Variants in OSER1 observed in about 807,000 individuals in gnomAD.
OSER1 encodes the protein oxidative stress-responsive serine-rich protein 1.
In OSER1, 15 loss-of-function variants were observed where a neutral mutation model predicts 26.3. The observed-to-expected ratio is 0.57, with a 90% CI of 0.38 to 0.88. The LOEUF (loss-of-function observed/expected upper bound fraction) is 0.88, where lower values mean the gene tolerates loss of function less well. Among genes scored for constraint, OSER1 ranks in the 40% least tolerant of loss-of-function variants. The probability of loss-of-function intolerance (pLI) is 0.00; values close to 1 mark genes in which losing one functional copy is unlikely to be tolerated. For missense variants in OSER1, 313 were observed against 353.9 expected, an observed-to-expected ratio of 0.88 and a Z score of 0.93; for synonymous variants, 127 against 128.2, an observed-to-expected ratio of 0.99 and a Z score of 0.07.
At chr20:44,209,850 G>T (rs1409583846) in intron 1 of OSER1, among the ~76,000 whole-genome samples, 1 of 152,108 alleles carries the variant, frequency 6.6e-6, no homozygotes, top group Non-Finnish European at 1.5e-5. Flanking sequence ...ATCAAGAAGG[G>T]ATGCGCGGGT....
At chr20:44,199,053 T>A (rs1362728536) in intron 3 of OSER1, among the ~76,000 whole-genome samples, 1 of 152,210 alleles carries the variant, frequency 6.6e-6, no homozygotes, top group Non-Finnish European at 1.5e-5. Context: ...TTCAAGTAAC[T>A]CTTATTTTAC....
chr20:44,202,500 C>T (rs1434996796), intron 3 of OSER1, among the ~76,000 whole-genome samples: 1 of 151,974 alleles, frequency 6.6e-6, no homozygotes, highest in East Asian at 1.9e-4. Flanking sequence ...TTTCAATTCA[C>T]CAGAAAGAAA....
At chr20:44,211,361 T>C (rs1471947653), upstream of OSER1, 1 of 152,288 alleles carries the variant, frequency 6.6e-6, no homozygotes, top group Non-Finnish European at 1.5e-5. Context: ...GAAGAGGTAT[T>C]GGACGTGGCC....
chr20:44,203,315 T>C (rs900447545), intron 2 of OSER1, among the ~76,000 whole-genome samples: 1 of 152,136 alleles, frequency 6.6e-6, no homozygotes, highest in African/African-American at 2.4e-5. Flanking sequence ...AGCAGCAGGA[T>C]ATAAATAGAC....
chr20:44,208,041 AAAATAG>A (rs2073056347), intron 1 of OSER1, among the ~76,000 whole-genome samples: 1 of 152,204 alleles, frequency 6.6e-6, no homozygotes, highest in Non-Finnish European at 1.5e-5. Flanking sequence ...TACCACAAAA[AAAATAG>A]AAATAGAGAA....
rs1467093823 is a variant in OSER1 at position 44,195,939 on chromosome 20, T to G, written c.*1113A>C. ...CATGAATCAACCACAGCCAGCGCAGTTTTAGTAAATAGTATAAATGTATTT... is the reference window on the plus strand; with the variant it reads ...CATGAATCAACCACAGCCAGCGCAGGTTTAGTAAATAGTATAAATGTATTT... On this transcript the variant is annotated 3_prime_UTR_variant, in exon 4 of 4. Coordinates refer to ENST00000255174, the MANE Select transcript of OSER1 (RefSeq NM_016470.8). Among the ~76,000 whole-genome samples the G allele has an allele frequency of 6.6e-6, 1 of 152,244 alleles. No homozygotes were observed. The highest frequency in any genetic ancestry group is 1.5e-5 in the Non-Finnish European group (1 of 68,050).
In OSER1 at chr20:44,204,275, G is replaced by T. The variant is rs185175037; in HGVS notation, c.78-1201C>A. On this transcript the variant is annotated intron_variant, in intron 2 of 3. Transcript: ENST00000255174. ...CAGGATCATGCTAAATTCCTGGCAA[G>T]GCCTGGTTAGTTTATGAGTCAATCC... Among the ~76,000 whole-genome samples, 106 of 152,290 alleles carry T rather than the reference G, an allele frequency of 7.0e-4. 1 individual carries two copies. The Middle Eastern group carries it at 0.017, about 24-fold the overall frequency.
At position 44,197,645 on chromosome 20, in the gene OSER1, T is replaced by G. The variant is rs199512438; in HGVS notation, c.286A>C (p.Ser96Arg). 2 of 1,613,990 alleles carry G rather than the reference T, an allele frequency of 1.2e-6. No homozygotes were observed. The highest frequency in any genetic ancestry group is 1.7e-6 in the Non-Finnish European group (2 of 1,179,824). Residue 96 changes from serine (S) to arginine (R), a missense_variant, in exon 4 of 4, where the codon AGT (serine) becomes CGT (arginine). Transcript: ENST00000255174. ...CTGCTGGAAGAAGACGCTATTGTAC[T>G]GCAATGTATAAACTTTGGAGGATGA... Reference protein sequence around the residue: ...VLHPPKFIHCSTIASSSSSQL... With the variant: ...VLHPPKFIHCRTIASSSSSQL...
intron 3 of OSER1, among the ~76,000 whole-genome samples, chr20:44,201,002 T>C (rs995799969): frequency 6.6e-5 from 10 of 150,400 alleles, no homozygotes; most frequent in Admixed American, 6.6e-5. Flanking sequence ...AAGGAAGAAA[T>C]AAAGACATTT....
chr20:44,208,080 T>A (rs2073056595), intron 1 of OSER1, among the ~76,000 whole-genome samples: 1 of 151,890 alleles, frequency 6.6e-6, no homozygotes, highest in Non-Finnish European at 1.5e-5. Flanking sequence ...AAGGTTCACT[T>A]CACCTCTTTA....
chr20:44,199,090 T>C (rs576468410), intron 3 of OSER1, among the ~76,000 whole-genome samples: 1 of 152,316 alleles, frequency 6.6e-6, no homozygotes, highest in South Asian at 2.1e-4. Flanking sequence ...AGTATAACAG[T>C]AGTGATGCTA....
Position 44,206,254 on chromosome 20 carries a change from C to A in OSER1, c.77+627G>T, listed in dbSNP as rs149531062. Among the ~76,000 whole-genome samples, 7 of 152,288 alleles carry A rather than the reference C, an allele frequency of 4.6e-5. No homozygotes were observed. The East Asian group carries it at 1.3e-3, about 29-fold the overall frequency. On this transcript the variant is annotated intron_variant, in intron 2 of 3. Coordinates refer to ENST00000255174, the MANE Select transcript of OSER1 (RefSeq NM_016470.8). ...TAGTTTCCATTTATGAAAAGAAATT[C>A]TTATATCCATTAAAAATGTTGATTT...
intron 3 of OSER1, among the ~76,000 whole-genome samples, chr20:44,199,449 C>G (rs7261043): frequency 0.01 from 1,586 of 152,270 alleles, 35 homozygotes; most frequent in African/African-American, 0.037. Context: ...TTACACTTCC[C>G]AGCCTCCCGA....
intron 3 of OSER1, among the ~76,000 whole-genome samples, chr20:44,202,127 G>C (rs1172451875): frequency 1.3e-5 from 2 of 152,214 alleles, no homozygotes; most frequent in African/African-American, 2.4e-5. Context: ...TGTAATCCTA[G>C]CACTTTGGGA....
rs1184709923 is a variant in OSER1 at position 44,196,498 on chromosome 20, G to C, written c.*554C>G. On this transcript the variant is annotated 3_prime_UTR_variant, in exon 4 of 4. Coordinates refer to ENST00000255174, the MANE Select transcript of OSER1 (RefSeq NM_016470.8). ...TGGTTAATAACTCTCTCAAACAATA[G>C]AGGGCAGGCCAGCTAGTTTATTCAA... The C allele has an allele frequency of 6.5e-6, 1 of 153,156 alleles. No homozygotes were observed. Among genetic ancestry groups the C allele is most frequent in the Non-Finnish European group, 1.5e-5 (1 of 68,704 alleles). 9.5% of individuals were successfully genotyped at this position (153,156 alleles called of 1,614,324 possible).
Position 44,197,348 on chromosome 20 carries a change from T to G in OSER1, c.583A>C (p.Lys195Gln), listed in dbSNP as rs2072929726. 3 of 1,614,252 alleles carry G rather than the reference T, an allele frequency of 1.9e-6. No individual in the cohort carries two copies. In the East Asian group the frequency reaches 6.7e-5, roughly 36 times the overall value. Residue 195 changes from lysine to glutamine, a missense_variant, in exon 4 of 4, where the codon AAG becomes CAG. By Grantham distance (53) the Lys-to-Gln change is moderately conservative (BLOSUM62 1). This residue lies in a region of OSER1 where 300 missense variants were observed against 318.3 expected (regional missense o/e 0.94). Coordinates refer to ENST00000255174, the MANE Select transcript of OSER1 (RefSeq NM_016470.8). Reference protein sequence around the residue: ...FQSVSKLNQGKPCTCIGKECQ... With the variant: ...FQSVSKLNQGQPCTCIGKECQ... ...TCCTTGCCTATGCATGTGCATGGCT[T>G]GCCCTGGTTTAGCTTGGAAACTGAT...
At chr20:44,209,229 G>A (rs1195113601) in intron 1 of OSER1, among the ~76,000 whole-genome samples, 1 of 152,146 alleles carries the variant, frequency 6.6e-6, no homozygotes, top group African/African-American at 2.4e-5. Context: ...AACCAAAACA[G>A]GCCAGAATTA....
rs1548238 is a variant in OSER1 at position 44,198,651 on chromosome 20, A to T, written c.192-912T>A. ...AATAAATAAATAAATAAAATAAAATAAAATTAAATAAAGAACTGAATGAAA... is the reference window on the plus strand; with the variant it reads ...AATAAATAAATAAATAAAATAAAATTAAATTAAATAAAGAACTGAATGAAA... On this transcript the variant is annotated intron_variant, in intron 3 of 3. Transcript: ENST00000255174. 2.8e-3 allele frequency among the ~76,000 whole-genome samples: 422 copies of T among 151,920 alleles called. 1 individual carries two copies. Among genetic ancestry groups the T allele is most frequent in the African/African-American group, 5.2e-3 (217 of 41,512 alleles).
In OSER1 at chr20:44,197,586, A is replaced by T; in HGVS notation, c.345T>A (p.Pro115=). 6.2e-7 allele frequency: 1 copy of T among 1,614,210 alleles called. No individual in the cohort carries two copies. The highest frequency in any genetic ancestry group is 8.5e-7 in the Non-Finnish European group (1 of 1,180,032). The change falls in exon 4 of 4, where the codon CCT becomes CCA. Residue 115 remains proline, a synonymous_variant. Coordinates refer to ENST00000255174, the MANE Select transcript of OSER1 (RefSeq NM_016470.8). ...AAATTCCCAGCCCACTGCTGCCATC[A>T]GGTGAGTCAGTCTGGCTTTTGTGCT... is the stretch of plus-strand genomic sequence containing the variant. ...QLKHKSQTDS[P]DGSSGLGISS...
Sources: gnomAD v4.1 joint callset for allele counts (sites outside exome capture counted in the v4.1 genomes callset) on GRCh38, gnomAD v4.1.1 for gene constraint, gnomAD v4.1.1 regional missense constraint, MANE v1.5 for transcripts, NCBI Gene and HGNC (gene_info 2026-07-23, HGNC 2026-07-21) for gene names.